Variants in TTLL6 observed in about 807,000 individuals in gnomAD.
TTLL6 encodes tubulin tyrosine ligase like 6, also known as tubulin polyglutamylase TTLL6.
Under a neutral mutation model 96.4 loss-of-function variants are expected in TTLL6, and 75 were observed. The ratio of observed to expected loss-of-function variants is 0.78; its 90% CI spans 0.65 to 0.94. The LOEUF is 0.94. Ranked by LOEUF, TTLL6 falls within the 40% of genes least tolerant of loss-of-function variation. The pLI is 0.00. For missense variants in TTLL6, 1,030 were observed against 1,093.0 expected, an observed-to-expected ratio of 0.94 and a Z score of 0.81; for synonymous variants, 411 against 419.4, an observed-to-expected ratio of 0.98 and a Z score of 0.24.
intron 2 of TTLL6, chr17:48,804,148 A>G (rs2039468402): frequency 1.6e-6 from 1 of 610,074 alleles, no homozygotes; most frequent in South Asian, 1.9e-5. Context: ...CCCAGAAGGT[A>G]GAAATTCTGT....
intron 1 of TTLL6, chr17:48,812,064 A>ACCCCCCCCCCCCC (rs56757071): frequency 5.1e-4 from 39 of 76,124 alleles, no homozygotes; most frequent in Non-Finnish European, 6.2e-4. Context: ...TGATGCTGGG[A>ACCCCCCCCCCCCC]CCCCCCCCCC....
intron 8 of TTLL6, among the ~76,000 whole-genome samples, chr17:48,795,055 C>T (rs1451451562): frequency 3.9e-5 from 6 of 152,110 alleles, no homozygotes; most frequent in South Asian, 2.1e-4. Flanking sequence ...AGGCCGGGCG[C>T]GGTGGCTCAC....
At chr17:48,786,481 T>A in intron 11 of TTLL6, 146 bp from the exon 12 acceptor site, 1 of 945,428 alleles carries the variant, frequency 1.1e-6, no homozygotes, top group Non-Finnish European at 1.6e-6. Flanking sequence ...CACAAGTGAT[T>A]GAATGTCAAG....
In TTLL6 at chr17:48,768,977, G is replaced by A. The variant is rs2038674045; in HGVS notation, c.*12C>T. 1 of 1,611,822 alleles carries A rather than the reference G, an allele frequency of 6.2e-7. No individual in the cohort carries two copies. Among genetic ancestry groups the A allele is most frequent in the Non-Finnish European group, 8.5e-7 (1 of 1,178,174 alleles). Reference sequence around the variant, plus strand: ...CGCACCAAATTCATTAAGGGAATATGTGTGGGCCTACCTAGCTCCTCTCAC... The same window carrying A: ...CGCACCAAATTCATTAAGGGAATATATGTGGGCCTACCTAGCTCCTCTCAC... On this transcript the variant is annotated intron_variant, in intron 15 of 15. Transcript: ENST00000393382.
chr17:48,793,529 CTT>C (rs1408272332), intron 8 of TTLL6, among the ~76,000 whole-genome samples: 2 of 151,232 alleles, frequency 1.3e-5, no homozygotes, highest in African/African-American at 4.9e-5. Context: ...GGAGTCGAAA[CTT>C]TTGCAGTGAG....
At chr17:48,806,462 C>G (rs907301138) in intron 1 of TTLL6, among the ~76,000 whole-genome samples, 14 of 152,038 alleles carry the variant, frequency 9.2e-5, no homozygotes, top group African/African-American at 3.4e-4. Context: ...GGTGCTTTCC[C>G]TTCCTCTCTT....
intron 10 of TTLL6, 138 bp downstream of exon 10, chr17:48,789,793 G>A: frequency 1.2e-6 from 1 of 833,672 alleles, no homozygotes; most frequent in East Asian, 3.0e-5. Flanking sequence ...CTGACCTCAG[G>A]TGATCTGCCT....
intron 10 of TTLL6, among the ~76,000 whole-genome samples, chr17:48,789,413 G>T (rs1329428616): frequency 6.6e-6 from 1 of 152,164 alleles, no homozygotes; most frequent in African/African-American, 2.4e-5. Flanking sequence ...CCTTTTATAT[G>T]CATTATCTCA....
Position 48,762,983 on chromosome 17 carries a change from A to C in TTLL6, c.*1-10T>G. ...GAGATCCAGTCTGATTCTGGAAAAA[A>C]AAAATTTTTTTTTTAGATTTTCCTT... On this transcript the variant is annotated splice_polypyrimidine_tract_variant and intron_variant, in intron 15 of 15. Coordinates refer to ENST00000393382, the MANE Select transcript of TTLL6 (RefSeq NM_001130918.3). 2 of 437,400 alleles carry C rather than the reference A, an allele frequency of 4.6e-6. No homozygotes were observed. Among genetic ancestry groups the C allele is most frequent in the South Asian group, 1.6e-5 (1 of 60,678 alleles). The allele number at this position is 437,400 out of a possible 1,614,324, so 27.1% of individuals were successfully genotyped here. A position where few individuals can be genotyped will look rare whatever the true frequency, so the allele number is the denominator to read the frequency against.
chr17:48,802,142 GAAAGA>G (rs1567733779), intron 3 of TTLL6, among the ~76,000 whole-genome samples: 37 of 113,240 alleles, frequency 3.3e-4, no homozygotes, highest in African/African-American at 1.2e-3. Context: ...AAGAAAGAAA[GAAAGA>G]AAGAAAATAA....
At chr17:48,771,171 C>T (rs531853803) in intron 13 of TTLL6, among the ~76,000 whole-genome samples, 24 of 151,972 alleles carry the variant, frequency 1.6e-4, no homozygotes, top group Admixed American at 5.9e-4. Flanking sequence ...TGCAGTTTGG[C>T]GTGACTGATA....
chr17:48,796,818 C>T (rs2039324319), intron 7 of TTLL6, among the ~76,000 whole-genome samples: 1 of 152,088 alleles, frequency 6.6e-6, no homozygotes, highest in South Asian at 2.1e-4. Flanking sequence ...AGACTCACCT[C>T]TTCCTAGCTG....
At chr17:48,812,050 C>G (rs915549611) in intron 1 of TTLL6, 3 of 144,682 alleles carry the variant, frequency 2.1e-5, no homozygotes, top group Admixed American at 7.0e-5. Context: ...AAATCTGACC[C>G]AGGTGATGCT....
Position 48,804,838 on chromosome 17 carries a change from TTC to T in TTLL6, c.255_256del (p.Asn86ProfsTer33). The T allele has an allele frequency of 6.4e-7, 1 of 1,552,330 alleles. No individual in the cohort carries two copies. On this transcript the variant is annotated frameshift_variant, in exon 2 of 16. Coordinates refer to ENST00000393382, the MANE Select transcript of TTLL6 (RefSeq NM_001130918.3). LOFTEE classifies it high-confidence loss of function. The stretch of plus-strand genomic sequence containing the variant: ...CTGAAGTCCGTTTTGTGCCCCTGGG[TTC>T]TCTCTCACAAAAGCCAGCGCGACGG...
In TTLL6 at chr17:48,803,897, C is replaced by T. The variant is rs867190204; in HGVS notation, c.355G>A (p.Glu119Lys). 3 of 1,552,114 alleles carry T rather than the reference C, an allele frequency of 1.9e-6. No individual in the cohort carries two copies. Among genetic ancestry groups the T allele is most frequent in the Middle Eastern group, 1.7e-4 (1 of 5,996 alleles). Residue 119 changes from glutamate (E) to lysine (K), a missense_variant, in exon 3 of 16, where the codon GAG (glutamate) becomes AAG (lysine). Glu to Lys is a moderately conservative substitution (Grantham distance 56). Transcript: ENST00000393382. Reference protein sequence around the residue: ...LVINLSSCRYESVRRAAQQYG... With the variant: ...LVINLSSCRYKSVRRAAQQYG... ...CCTGAATGTAGATGCTCACCACTCT[C>T]ATACCGGCAGCTGGATAGATTGATC...
rs994695064 is a variant in TTLL6 at position 48,797,327 on chromosome 17, C to T, written c.769-123G>A. 1.2e-5 allele frequency: 13 copies of T among 1,062,416 alleles called. No homozygotes were observed. The East Asian group carries it at 2.1e-4, about 17-fold the overall frequency. 65.8% of individuals were successfully genotyped at this position (1,062,416 alleles called of 1,614,324 possible). A position where few individuals can be genotyped will look rare whatever the true frequency, so the allele number is the denominator to read the frequency against. ...ATTGCCTAGTGTTGTGGAGGGCAGG[C>T]TTGTCCAGGGTCAGAGAGAGGAACA... On this transcript the variant is annotated intron_variant, in intron 6 of 15. Transcript: ENST00000393382.
At position 48,787,902 on chromosome 17, in the gene TTLL6, G is replaced by T. The variant is rs747621806; in HGVS notation, c.1498C>A (p.Leu500Met). 4.3e-6 allele frequency: 7 copies of T among 1,614,070 alleles called. No individual in the cohort carries two copies. The highest frequency in any genetic ancestry group is 1.3e-5 in the African/African-American group (1 of 74,922). ...AACTTCTCATACTTCTCCGAATTCA[G>T]ACTGGGATAAATCAGTCGGAACCCT... ...CGGFRLIYPS[L>M]NSEKYEKFFQ... The change falls in exon 11 of 16, where the codon CTG (leucine) becomes ATG (methionine). Residue 500 changes from leucine to methionine, a missense_variant. Physicochemically the swap from Leu to Met is conservative, Grantham distance 15. Coordinates refer to ENST00000393382, the MANE Select transcript of TTLL6 (RefSeq NM_001130918.3).
chr17:48,765,043 G>C (rs966599402), intron 15 of TTLL6, among the ~76,000 whole-genome samples: 1 of 152,164 alleles, frequency 6.6e-6, no homozygotes, highest in Non-Finnish European at 1.5e-5. Context: ...TCAAATCCTT[G>C]CTGTGACAAT....
intron 13 of TTLL6, among the ~76,000 whole-genome samples, chr17:48,784,689 G>A (rs2143311561): frequency 6.6e-6 from 1 of 152,260 alleles, no homozygotes; most frequent in Middle Eastern, 3.4e-3. Context: ...GCAGCTCTAG[G>A]AACCACTCCA....
Sources: gnomAD v4.1 joint callset for allele counts (sites outside exome capture counted in the v4.1 genomes callset) on GRCh38, gnomAD v4.1.1 for gene constraint, MANE v1.5 for transcripts, NCBI Gene and HGNC (gene_info 2026-07-23, HGNC 2026-07-21) for gene names.